MACROD2: variants seen among roughly 807,000 people sequenced by gnomAD.
The protein encoded by MACROD2 is ADP-ribose glycohydrolase MACROD2.
Under a neutral mutation model 70.4 loss-of-function variants are expected in MACROD2, and 36 were observed. The observed-to-expected ratio is 0.51, with a 90% CI of 0.39 to 0.68. The LOEUF (loss-of-function observed/expected upper bound fraction) is 0.68. Ranked by LOEUF, MACROD2 falls within the 30% of genes least tolerant of loss-of-function variation. MACROD2 has a pLI of 0.00. For missense variants in MACROD2, 496 were observed against 538.4 expected (o/e 0.92, Z 0.78); for synonymous variants, 172 against 178.8 (o/e 0.96, Z 0.30).
At chr20:14,851,937 A>G (rs1010516778) in intron 5 of MACROD2, among the ~76,000 whole-genome samples, 1 of 152,190 alleles carries the variant, frequency 6.6e-6, no homozygotes, top group African/African-American at 2.4e-5. Flanking sequence ...AGCATTTCAT[A>G]GAGAAGGTGG....
At chr20:14,397,351 G>C (rs1333515592) in intron 3 of MACROD2, among the ~76,000 whole-genome samples, 1 of 152,052 alleles carries the variant, frequency 6.6e-6, no homozygotes, top group African/African-American at 2.4e-5. Flanking sequence ...CATCTTGTTT[G>C]TTTTATATTG....
chr20:16,029,379 G>A (rs1265773819), intron 15 of MACROD2, among the ~76,000 whole-genome samples: 2 of 152,176 alleles, frequency 1.3e-5, no homozygotes, highest in African/African-American at 4.8e-5. Flanking sequence ...CGAATACCTA[G>A]AAGAATCAAG....
intron 2 of MACROD2, among the ~76,000 whole-genome samples, chr20:14,043,216 G>T (rs757435870): frequency 6.6e-6 from 1 of 152,108 alleles, no homozygotes; most frequent in Non-Finnish European, 1.5e-5. Context: ...CACTGCTTCT[G>T]GCTCCCCTGG....
intron 8 of MACROD2, among the ~76,000 whole-genome samples, chr20:15,776,510 C>G (rs2051724571): frequency 6.6e-6 from 1 of 152,140 alleles, no homozygotes; most frequent in East Asian, 1.9e-4. Context: ...GTTGTGGATC[C>G]TAGTCTGTCA....
chr20:15,495,242 C>T (rs2047282694), intron 7 of MACROD2, among the ~76,000 whole-genome samples: 1 of 152,154 alleles, frequency 6.6e-6, no homozygotes, highest in Non-Finnish European at 1.5e-5. Flanking sequence ...ATTCATTGGT[C>T]TTATTTATAA....
intron 5 of MACROD2, among the ~76,000 whole-genome samples, chr20:15,064,245 C>T (rs2075556487): frequency 6.6e-6 from 1 of 152,136 alleles, no homozygotes; most frequent in South Asian, 2.1e-4. Context: ...CAGCTCACCT[C>T]TCTAGAAGGA....
chr20:14,250,633 T>G (rs1310118934), intron 3 of MACROD2, among the ~76,000 whole-genome samples: 1 of 152,190 alleles, frequency 6.6e-6, no homozygotes, highest in Non-Finnish European at 1.5e-5. Flanking sequence ...CTGATTCCCT[T>G]ATTTTCTTTT....
At chr20:14,501,591 A>G (rs2084915342) in intron 4 of MACROD2, among the ~76,000 whole-genome samples, 1 of 152,010 alleles carries the variant, frequency 6.6e-6, no homozygotes, top group East Asian at 1.9e-4. Context: ...CGTTTTTAAA[A>G]TGAGTTTTAT....
At chr20:14,898,311 T>G (rs2073854626) in intron 5 of MACROD2, among the ~76,000 whole-genome samples, 1 of 152,130 alleles carries the variant, frequency 6.6e-6, no homozygotes, top group African/African-American at 2.4e-5. Flanking sequence ...AAGAAAGTTT[T>G]AGGATATTTT....
At chr20:15,008,688 CA>C (rs1460251445) in intron 5 of MACROD2, among the ~76,000 whole-genome samples, 5 of 152,162 alleles carry the variant, frequency 3.3e-5, no homozygotes, top group African/African-American at 1.2e-4. Flanking sequence ...ACACAAACCA[CA>C]GACATGTAGT....
intron 8 of MACROD2, among the ~76,000 whole-genome samples, chr20:15,828,988 G>A (rs988985411): frequency 6.6e-6 from 1 of 152,036 alleles, no homozygotes; most frequent in Admixed American, 6.6e-5. Context: ...TGTTTCACCT[G>A]CCTGTTATTT....
At chr20:15,095,809 G>T (rs913499157) in intron 5 of MACROD2, among the ~76,000 whole-genome samples, 2 of 152,138 alleles carry the variant, frequency 1.3e-5, no homozygotes, top group African/African-American at 4.8e-5. Flanking sequence ...GAGCCACCGT[G>T]CCCAGCCAGA....
intron 3 of MACROD2, among the ~76,000 whole-genome samples, chr20:14,189,440 G>T (rs2148737182): frequency 6.6e-6 from 1 of 152,224 alleles, no homozygotes; most frequent in African/African-American, 2.4e-5. Context: ...TTTTGTGAAT[G>T]TTTGAGATTG....
chr20:14,391,252 G>T (rs754666192), intron 3 of MACROD2, among the ~76,000 whole-genome samples: 1 of 152,152 alleles, frequency 6.6e-6, no homozygotes, highest in Non-Finnish European at 1.5e-5. Context: ...ATTGGATAAA[G>T]AAAATGTGGT....
At chr20:15,225,480 G>C (rs1353550068) in intron 5 of MACROD2, among the ~76,000 whole-genome samples, 1 of 152,060 alleles carries the variant, frequency 6.6e-6, no homozygotes, top group Non-Finnish European at 1.5e-5. Flanking sequence ...CATCTTCATA[G>C]TTTCTGTCAC....
At chr20:15,876,847 C>T (rs1027165466) in intron 9 of MACROD2, among the ~76,000 whole-genome samples, 11 of 152,200 alleles carry the variant, frequency 7.2e-5, no homozygotes, top group Admixed American at 2.6e-4. Flanking sequence ...TTTTGATTTG[C>T]ATTTCTCTGA....
At chr20:14,665,263 A>G (rs900865687) in intron 4 of MACROD2, among the ~76,000 whole-genome samples, 2 of 152,080 alleles carry the variant, frequency 1.3e-5, no homozygotes, top group African/African-American at 4.8e-5. Context: ...TGGCAGCTTA[A>G]TGGCCTTAGT....
chr20:15,067,553 T>C (rs2075587144), intron 5 of MACROD2, among the ~76,000 whole-genome samples: 1 of 152,094 alleles, frequency 6.6e-6, no homozygotes, highest in Non-Finnish European at 1.5e-5. Context: ...TTTCACCATG[T>C]TGTCTAGGCT....
rs747272073 is a variant in MACROD2, at chr20:15,191,916, G to GTATA, written c.419-38011_419-38008dup. The stretch of plus-strand genomic sequence containing the variant: ...AAAATTTAGAAAACTACACATATGT[G>GTATA]TATATATATATATATAGAGAGAGAG... On this transcript the variant is annotated intron_variant, in intron 5 of 17. Coordinates refer to ENST00000684519, the MANE Select transcript of MACROD2 (RefSeq NM_001351661.2). Among the ~76,000 whole-genome samples the GTATA allele has an allele frequency of 9.2e-3, 585 of 63,424 alleles. 8 individuals carry two copies. The highest frequency in any genetic ancestry group is 0.021 in the South Asian group (27 of 1,296). The allele number at this position is 63,424 out of a possible 152,430, so 41.6% of individuals were successfully genotyped here. A position where few individuals can be genotyped will look rare whatever the true frequency, so the allele number is the denominator to read the frequency against.
Sources: allele counts gnomAD v4.1 joint callset (sites outside exome capture counted in the v4.1 genomes callset), GRCh38; gene constraint gnomAD v4.1.1; transcripts MANE v1.5; gene names NCBI Gene and HGNC (gene_info 2026-07-23, HGNC 2026-07-21).